The following CKAP4 variants were observed in gnomAD, a reference collection of about 807,000 sequenced individuals.
The protein encoded by CKAP4 is cytoskeleton associated protein 4, also known as cytoskeleton-associated protein 4.
In CKAP4, 20 loss-of-function variants were observed where a neutral mutation model predicts 24.4. The ratio of observed to expected loss-of-function variants is 0.82; its 90% CI spans 0.58 to 1.19. The LOEUF (loss-of-function observed/expected upper bound fraction) is 1.19. Ranked by LOEUF, CKAP4 falls within the 50% of genes most tolerant of loss-of-function variation. The pLI, the probability that CKAP4 is intolerant of heterozygous loss-of-function variation, is 0.00. For synonymous variants in CKAP4, 378 were observed against 351.7 expected, an observed-to-expected ratio of 1.07 and a Z score of -0.84; for missense variants, 744 against 765.3, an observed-to-expected ratio of 0.97 and a Z score of 0.33.
Position 106,247,840 on chromosome 12 carries a change from G to T in CKAP4, c.12C>A (p.Ala4=). 1 of 1,043,920 alleles carries T rather than the reference G, an allele frequency of 9.6e-7. No individual in the cohort carries two copies. Among genetic ancestry groups the T allele is most frequent in the South Asian group, 4.4e-5 (1 of 22,730 alleles). The allele number at this position is 1,043,920 out of a possible 1,614,324, so 64.7% of individuals were successfully genotyped here. ...GGCCGCCCTTGGAGCCCCTTTGTTT[G>T]GCCGAGGGCATGGCGGGCGCGGCGG... MPS[A]KQRGSKGGHG... is the part of the protein sequence containing the mutation. Residue 4 remains alanine (A), a synonymous_variant, in exon 1 of 2, where the codon GCC becomes GCA. Coordinates refer to ENST00000378026, the MANE Select transcript of CKAP4 (RefSeq NM_006825.4). The surrounding 1 kb of genome is among the most constrained non-coding windows in gnomAD (Gnocchi z 4.5).
chr12:106,247,638 C>A lies in CKAP4; in HGVS notation c.214G>T (p.Gly72Cys). 6 of 1,040,704 alleles carry A rather than the reference C, an allele frequency of 5.8e-6. No individual in the cohort carries two copies. Among genetic ancestry groups the A allele is most frequent in the Non-Finnish European group, 7.3e-6 (6 of 822,196 alleles). 64.5% of individuals were successfully genotyped at this position (1,040,704 alleles called of 1,614,324 possible). Residue 72 changes from glycine (G) to cysteine (C), a missense_variant, in exon 1 of 2, where the codon GGC (glycine) becomes TGC (cysteine). Around this residue, in one of 3 missense-constraint regions of CKAP4, gnomAD observed 300 missense variants for 264.5 expected, o/e 1.13. Transcript: ENST00000378026. The surrounding 1 kb of genome is among the most constrained non-coding windows in gnomAD (Gnocchi z 4.5). ...GAGGACTTGCCGCCGCCGCCGCCGC[C>A]GCCGCGGTGGCCGCCCTTGCCGTGC... ...QAHGKGGHRG[G>C]GGGGGKSSSS...
At chr12:106,242,510 T>G (rs927095474) in intron 1 of CKAP4, among the ~76,000 whole-genome samples, 4 of 152,182 alleles carry the variant, frequency 2.6e-5, no homozygotes, top group African/African-American at 9.7e-5. Context: ...GTCTCTAAAG[T>G]GCTGTCTAGC....
intron 1 of CKAP4, among the ~76,000 whole-genome samples, 165 bp from the exon 2 acceptor site, chr12:106,240,514 G>A (rs375697833): frequency 6.6e-6 from 1 of 151,984 alleles, no homozygotes. Context: ...TGGTTTTAAG[G>A]ACCAATCCTA....
At position 106,239,077 on chromosome 12, in the gene CKAP4, T is replaced by G. The variant is rs1474930775; in HGVS notation, c.1756A>C (p.Asn586His). 1 of 1,613,994 alleles carries G rather than the reference T, an allele frequency of 6.2e-7. No individual in the cohort carries two copies. Among genetic ancestry groups the G allele is most frequent in the Non-Finnish European group, 8.5e-7 (1 of 1,180,036 alleles). ...SAKGLLDDLR[N>H]DLDRLFVKVE... ...TTCACAAACAACCTATCCAGATCATTCCTCAGGTCATCTAGTAAACCCTTG... is the reference window on the plus strand; with the variant it reads ...TTCACAAACAACCTATCCAGATCATGCCTCAGGTCATCTAGTAAACCCTTG... Residue 586 changes from asparagine (N) to histidine (H), a missense_variant, in exon 2 of 2, where the codon AAT becomes CAT. Transcript: ENST00000378026. This position sits in a 1 kb window ranked among gnomAD's most constrained non-coding sequence, Gnocchi z 4.9.
In CKAP4 at chr12:106,239,661, C is replaced by A; in HGVS notation, c.1172G>T (p.Gly391Val). The change falls in exon 2 of 2, where the codon GGA becomes GTA. Residue 391 changes from glycine (G) to valine (V), a missense_variant. Physicochemically the swap from Gly to Val is moderately radical, Grantham distance 109 (BLOSUM62 -3). Coordinates refer to ENST00000378026, the MANE Select transcript of CKAP4 (RefSeq NM_006825.4). The surrounding 1 kb of genome is among the most constrained non-coding windows in gnomAD (Gnocchi z 4.9). ...AAAGGCTTCCGAGTGTCTGAAGCCT[C>A]CGTCCTCCTTCGGCCCGTGGGAATC... is the stretch of plus-strand genomic sequence containing the variant. ...KSDSHGPKED[G>V]GFRHSEAFEA... 1 of 1,614,200 alleles carries A rather than the reference C, an allele frequency of 6.2e-7. No individual in the cohort carries two copies. Among genetic ancestry groups the A allele is most frequent in the Non-Finnish European group, 8.5e-7 (1 of 1,180,040 alleles).
chr12:106,241,916 G>C (rs534266016), intron 1 of CKAP4, among the ~76,000 whole-genome samples: 1 of 152,128 alleles, frequency 6.6e-6, no homozygotes, highest in South Asian at 2.1e-4. Context: ...AAAAGTGGCA[G>C]AGGGGAAGAG....
chr12:106,247,725 G>GCTGCTGCGGCGC lies in CKAP4; in HGVS notation c.115_126dup (p.Ala39_Gln42dup), dbSNP rs1185630818. 1.9e-6 allele frequency: 2 copies of GCTGCTGCGGCGC among 1,039,520 alleles called. No individual in the cohort carries two copies. Among genetic ancestry groups the GCTGCTGCGGCGC allele is most frequent in the Admixed American group, 1.2e-4 (2 of 17,354 alleles). 64.4% of individuals were successfully genotyped at this position (1,039,520 alleles called of 1,614,324 possible). ...GGGTGCGGCGCGGGCGGCGGCGGCG[G>GCTGCTGCGGCGC]CTGCTGCGGCGCCGGCGGCGGCTTC... On this transcript the variant is annotated inframe_insertion, in exon 1 of 2. Transcript: ENST00000378026. This position sits in a 1 kb window ranked among gnomAD's most constrained non-coding sequence, Gnocchi z 4.5.
Position 106,239,573 on chromosome 12 carries a change from C to G in CKAP4, c.1260G>C (p.Val420=). The G allele has an allele frequency of 6.2e-7, 1 of 1,613,830 alleles. No individual in the cohort carries two copies. The highest frequency in any genetic ancestry group is 8.5e-7 in the Non-Finnish European group (1 of 1,179,988). Residue 420 remains valine (V), a synonymous_variant, in exon 2 of 2, where the codon GTG becomes GTC. Coordinates refer to ENST00000378026, the MANE Select transcript of CKAP4 (RefSeq NM_006825.4). This position sits in a 1 kb window ranked among gnomAD's most constrained non-coding sequence, Gnocchi z 4.9. ...DSRLQHVEDG[V]LSMQVASARQ... The stretch of plus-strand genomic sequence containing the variant: ...GCGCAGAAGCCACCTGCATGGAGAG[C>G]ACCCCATCCTCCACGTGCTGGAGCC...
At chr12:106,243,966 G>A (rs766924792) in intron 1 of CKAP4, among the ~76,000 whole-genome samples, 1 of 152,160 alleles carries the variant, frequency 6.6e-6, no homozygotes, top group Non-Finnish European at 1.5e-5. Context: ...TATGAATACT[G>A]TAAGTATACT....
chr12:106,247,881 G>A lies in CKAP4; in HGVS notation c.-30C>T, dbSNP rs1270008164. 4 of 1,025,450 alleles carry A rather than the reference G, an allele frequency of 3.9e-6. No homozygotes were observed. Among genetic ancestry groups the A allele is most frequent in the Non-Finnish European group, 4.7e-6 (4 of 857,352 alleles). The allele number at this position is 1,025,450 out of a possible 1,614,324, so 63.5% of individuals were successfully genotyped here. The stretch of plus-strand genomic sequence containing the variant: ...GGCGCGGCGGCGGCTCGGGCCGCGG[G>A]CTGGGAGGCGAGCGAGCGCGGCGCG... On this transcript the variant is annotated 5_prime_UTR_variant, in exon 1 of 2. Coordinates refer to ENST00000378026, the MANE Select transcript of CKAP4 (RefSeq NM_006825.4). This position sits in a 1 kb window ranked among gnomAD's most constrained non-coding sequence, Gnocchi z 4.5.
intron 1 of CKAP4, among the ~76,000 whole-genome samples, chr12:106,246,441 T>G (rs2034010350): frequency 6.6e-6 from 1 of 152,204 alleles, no homozygotes. Flanking sequence ...GGCCCTCCTC[T>G]TCCCCTAAAG....
rs1162129934 is a variant in CKAP4, at chr12:106,247,540, G to A, written c.312C>T (p.Leu104=). 10 of 1,494,508 alleles carry A rather than the reference G, an allele frequency of 6.7e-6. No homozygotes were observed. The highest frequency in any genetic ancestry group is 8.0e-6 in the Non-Finnish European group (9 of 1,124,216). The allele number at this position is 1,494,508 out of a possible 1,614,324, so 92.6% of individuals were successfully genotyped here. A position where few individuals can be genotyped will look rare whatever the true frequency, so the allele number is the denominator to read the frequency against. ...ASSSASCSRR[L]GRALNFLFYL... ...AGAAGAGAAAGTTGAGCGCCCTGCC[G>A]AGCCTGCGCGAGCAGGACGCCGAGG... The change falls in exon 1 of 2, where the codon CTC becomes CTT. Residue 104 remains leucine, a synonymous_variant. Transcript: ENST00000378026. This position sits in a 1 kb window ranked among gnomAD's most constrained non-coding sequence, Gnocchi z 4.5.
At position 106,247,948 on chromosome 12, in the gene CKAP4, G is replaced by A. The variant is rs1218536800; in HGVS notation, c.-97C>T. ...CAGGGGCTCCCCCGGGACTGGGCGA[G>A]CGGCACGCGGGCGCTGCTGGCGTCG... On this transcript the variant is annotated 5_prime_UTR_variant, in exon 1 of 2. Transcript: ENST00000378026. This position sits in a 1 kb window ranked among gnomAD's most constrained non-coding sequence, Gnocchi z 4.5. 6.5e-6 allele frequency: 5 copies of A among 769,446 alleles called. No homozygotes were observed. The highest frequency in any genetic ancestry group is 7.9e-6 in the Non-Finnish European group (5 of 629,268). 47.7% of individuals were successfully genotyped at this position (769,446 alleles called of 1,614,324 possible).
intron 1 of CKAP4, among the ~76,000 whole-genome samples, chr12:106,241,979 G>A (rs1433824887): frequency 6.6e-6 from 1 of 152,004 alleles, no homozygotes; most frequent in Non-Finnish European, 1.5e-5. Flanking sequence ...TTGAAACTGA[G>A]GTTCATTATA....
chr12:106,237,990 G>GTTTTT lies in CKAP4; in HGVS notation c.*1033_*1034insAAAAA, dbSNP rs2033921135. ...CTTTTTTTTTTTTTTTTTACTTTTC[G>GTTTTT]GGTTTTTTTTTTTTTTTTTTTTTCA... is the stretch of plus-strand genomic sequence containing the variant. On this transcript the variant is annotated 3_prime_UTR_variant, in exon 2 of 2. Coordinates refer to ENST00000378026, the MANE Select transcript of CKAP4 (RefSeq NM_006825.4). 1 of 77,320 alleles carries GTTTTT rather than the reference G, an allele frequency of 1.3e-5. No individual in the cohort carries two copies. Among genetic ancestry groups the GTTTTT allele is most frequent in the African/African-American group, 7.0e-5 (1 of 14,236 alleles). 4.8% of individuals were successfully genotyped at this position (77,320 alleles called of 1,614,324 possible). A position where few individuals can be genotyped will look rare whatever the true frequency, so the allele number is the denominator to read the frequency against.
Position 106,247,186 on chromosome 12 carries a change from C to T in CKAP4, c.483+183G>A, listed in dbSNP as rs920663324. On this transcript the variant is annotated intron_variant, in intron 1 of 1. Coordinates refer to ENST00000378026, the MANE Select transcript of CKAP4 (RefSeq NM_006825.4). This position sits in a 1 kb window ranked among gnomAD's most constrained non-coding sequence, Gnocchi z 4.5. Reference sequence around the variant, plus strand: ...AACAAAGGGGGTCTGGGGACTGCCTCGGAACTAGGGGGCCGCGTGGAGTGG... The same window carrying T: ...AACAAAGGGGGTCTGGGGACTGCCTTGGAACTAGGGGGCCGCGTGGAGTGG... 6.6e-6 allele frequency among the ~76,000 whole-genome samples: 1 copy of T among 152,098 alleles called. No homozygotes were observed. Among genetic ancestry groups the T allele is most frequent in the South Asian group, 2.1e-4 (1 of 4,826 alleles).
chr12:106,239,176 G>A lies in CKAP4; in HGVS notation c.1657C>T (p.Leu553Phe), dbSNP rs751024223. 5.6e-6 allele frequency: 9 copies of A among 1,614,140 alleles called. No individual in the cohort carries two copies. The highest frequency in any genetic ancestry group is 7.6e-6 in the Non-Finnish European group (9 of 1,180,034). The change falls in exon 2 of 2, where the codon CTC becomes TTC. Residue 553 changes from leucine to phenylalanine, a missense_variant. Around this residue, in one of 3 missense-constraint regions of CKAP4, gnomAD observed 401 missense variants for 424.5 expected, o/e 0.94. Transcript: ENST00000378026. The surrounding 1 kb of genome is among the most constrained non-coding windows in gnomAD (Gnocchi z 4.9). The stretch of plus-strand genomic sequence containing the variant: ...ACCAAACTGTCCACAGCAGTCCTGA[G>A]CATTTTCAAGTCCGCCTCCACTTGG... ...VSQVEADLKM[L>F]RTAVDSLVAY...
chr12:106,240,371 T>G, intron 1 of CKAP4, 22 bp from the exon 2 acceptor site: 1 of 1,598,792 alleles, frequency 6.3e-7, no homozygotes, highest in Non-Finnish European at 8.5e-7. Context: ...ATCCAGACGT[T>G]AATTGCTGAG....
intron 1 of CKAP4, among the ~76,000 whole-genome samples, chr12:106,244,636 A>T (rs1311746857): frequency 6.6e-6 from 1 of 152,104 alleles, no homozygotes; most frequent in African/African-American, 2.4e-5. Context: ...TTTAAAAATA[A>T]ATAAATAGCT....
Sources: gnomAD v4.1 joint callset for allele counts (sites outside exome capture counted in the v4.1 genomes callset) on GRCh38, gnomAD v4.1.1 for gene constraint, gnomAD v4.1.1 regional missense constraint, Gnocchi (gnomAD v3.1) non-coding constraint, MANE v1.5 for transcripts, NCBI Gene and HGNC (gene_info 2026-07-23, HGNC 2026-07-21) for gene names.